The following NALF1 variants were observed in gnomAD, a reference collection of about 807,000 sequenced individuals.
NALF1 encodes the protein NALCN channel auxiliary factor 1, also known as family with sequence similarity 155 member A.
In NALF1, 3 loss-of-function variants were observed where a neutral mutation model predicts 48.4. That is an observed-to-expected ratio of 0.06 (90% CI 0.03 to 0.16). The LOEUF (loss-of-function observed/expected upper bound fraction) is 0.16. NALF1 is among the 10% of genes least tolerant of loss of function. The pLI is 1.00. For missense variants in NALF1, 526 were observed against 571.5 expected (o/e 0.92, Z 0.81); for synonymous variants, 262 against 245.7 (o/e 1.07, Z -0.62).
chr13:107,521,438 A>G (rs1373753386), intron 1 of NALF1, among the ~76,000 whole-genome samples: 1 of 152,212 alleles, frequency 6.6e-6, no homozygotes, highest in East Asian at 1.9e-4. Context: ...AGTAACATAA[A>G]ATAAAACTAA....
chr13:107,829,759 G>C (rs899439670), intron 1 of NALF1, among the ~76,000 whole-genome samples: 7 of 152,122 alleles, frequency 4.6e-5, no homozygotes, highest in Non-Finnish European at 8.8e-5. Context: ...TTCCTCATCA[G>C]TGAAGTTGGC....
chr13:107,242,892 C>T (rs1427073509), intron 1 of NALF1, among the ~76,000 whole-genome samples: 1 of 152,124 alleles, frequency 6.6e-6, no homozygotes, highest in East Asian at 1.9e-4. Flanking sequence ...ATATTCTTCC[C>T]TGTCAACCAT....
At chr13:107,404,123 T>C (rs191845621) in intron 1 of NALF1, among the ~76,000 whole-genome samples, 22 of 152,286 alleles carry the variant, frequency 1.4e-4, no homozygotes, top group African/African-American at 4.8e-4. Context: ...AACTTCACTC[T>C]AATTATCACC....
rs537150749 is a variant in NALF1, at chr13:107,775,504, T to C, written c.915+90178A>G. Among the ~76,000 whole-genome samples the C allele has an allele frequency of 1.1e-4, 16 of 151,422 alleles. No homozygotes were observed. In the South Asian group the frequency reaches 1.7e-3, roughly 16 times the overall value. ...AAGTCTTTGCTATTGTGAAGAGTGC[T>C]GCAATAAACATACGTGTGCATGTGT... is the stretch of plus-strand genomic sequence containing the variant. On this transcript the variant is annotated intron_variant, in intron 1 of 2. Coordinates refer to ENST00000375915, the MANE Select transcript of NALF1 (RefSeq NM_001080396.3).
At chr13:107,208,749 G>T (rs1879694488) in intron 2 of NALF1, among the ~76,000 whole-genome samples, 1 of 152,122 alleles carries the variant, frequency 6.6e-6, no homozygotes, top group Non-Finnish European at 1.5e-5. Flanking sequence ...GTTATTTGTG[G>T]AATGTTGTAT....
chr13:107,517,759 A>C (rs1319148209), intron 1 of NALF1, among the ~76,000 whole-genome samples: 1 of 152,170 alleles, frequency 6.6e-6, no homozygotes, highest in Non-Finnish European at 1.5e-5. Context: ...GTTCGAGACC[A>C]GCCTGGCCAA....
intron 1 of NALF1, among the ~76,000 whole-genome samples, chr13:107,682,310 G>A (rs1165554938): frequency 6.6e-6 from 1 of 152,172 alleles, no homozygotes; most frequent in Non-Finnish European, 1.5e-5. Flanking sequence ...TCATCTATAA[G>A]GAGGAATCTG....
chr13:107,703,602 C>A (rs2138513327), intron 1 of NALF1, among the ~76,000 whole-genome samples: 1 of 152,212 alleles, frequency 6.6e-6, no homozygotes, highest in Non-Finnish European at 1.5e-5. Flanking sequence ...ATCCGCCCAC[C>A]TCGGCAACCC....
intron 1 of NALF1, among the ~76,000 whole-genome samples, chr13:107,606,824 C>T (rs1879086422): frequency 6.6e-6 from 1 of 152,080 alleles, no homozygotes; most frequent in East Asian, 1.9e-4. Flanking sequence ...TACTGAGGCA[C>T]CAGTGATTTA....
chr13:107,713,502 A>T (rs1266754251), intron 1 of NALF1, among the ~76,000 whole-genome samples: 1 of 152,230 alleles, frequency 6.6e-6, no homozygotes, highest in Non-Finnish European at 1.5e-5. Context: ...TGTATGGTGG[A>T]CACTGTCATT....
chr13:107,231,641 T>C (rs1480860721), intron 1 of NALF1, among the ~76,000 whole-genome samples: 2 of 152,260 alleles, frequency 1.3e-5, no homozygotes, highest in Non-Finnish European at 1.5e-5. Flanking sequence ...GACTGTAATA[T>C]ACAAAAAAGC....
intron 1 of NALF1, among the ~76,000 whole-genome samples, chr13:107,245,292 C>G (rs997525778): frequency 6.6e-6 from 1 of 152,116 alleles, no homozygotes; most frequent in Admixed American, 6.5e-5. Context: ...AAAAATTTGT[C>G]AAAATTTTAA....
intron 1 of NALF1, among the ~76,000 whole-genome samples, chr13:107,704,857 G>C (rs943158595): frequency 6.6e-6 from 1 of 152,102 alleles, no homozygotes; most frequent in African/African-American, 2.4e-5. Context: ...GGGAGAGAGT[G>C]TGGGAAAGGG....
intron 1 of NALF1, among the ~76,000 whole-genome samples, chr13:107,659,537 G>A (rs1449666103): frequency 6.6e-6 from 1 of 150,956 alleles, no homozygotes; most frequent in East Asian, 1.9e-4. Context: ...ACATACAGTA[G>A]TCTAACTTGT....
At chr13:107,224,652 C>T (rs993610484) in intron 1 of NALF1, among the ~76,000 whole-genome samples, 1 of 151,980 alleles carries the variant, frequency 6.6e-6, no homozygotes, top group Admixed American at 6.6e-5. Flanking sequence ...GAAATAAGCA[C>T]CTTAACAAAT....
At chr13:107,583,259 ATG>A (rs1878363799) in intron 1 of NALF1, among the ~76,000 whole-genome samples, 1 of 152,074 alleles carries the variant, frequency 6.6e-6, no homozygotes, top group Non-Finnish European at 1.5e-5. Context: ...TACAATGCAT[ATG>A]TATTTTTGCA....
intron 1 of NALF1, among the ~76,000 whole-genome samples, chr13:107,335,449 G>C (rs1193160181): frequency 6.6e-6 from 1 of 152,140 alleles, no homozygotes; most frequent in Non-Finnish European, 1.5e-5. Flanking sequence ...GAGAAAGCAC[G>C]TATAAGACTT....
At chr13:107,730,146 A>C (rs1438372269) in intron 1 of NALF1, among the ~76,000 whole-genome samples, 1 of 152,240 alleles carries the variant, frequency 6.6e-6, no homozygotes, top group Non-Finnish European at 1.5e-5. Flanking sequence ...TCTGCAAAAT[A>C]GGCTTCTAAA....
chr13:107,418,536 A>G (rs1594052719), intron 1 of NALF1, among the ~76,000 whole-genome samples: 1 of 152,122 alleles, frequency 6.6e-6, no homozygotes, highest in African/African-American at 2.4e-5. Flanking sequence ...AGATAATACA[A>G]TCTATTTCTT....
Sources: gnomAD v4.1 joint callset for allele counts (sites outside exome capture counted in the v4.1 genomes callset) on GRCh38, gnomAD v4.1.1 for gene constraint, MANE v1.5 for transcripts, NCBI Gene and HGNC (gene_info 2026-07-23, HGNC 2026-07-21) for gene names.